HELZ: variants seen among roughly 807,000 people sequenced by gnomAD.
HELZ encodes the protein helicase with zinc finger, also known as ATP-dependent RNA helicase with zinc finger domain.
In HELZ, 23 loss-of-function variants were observed where a neutral mutation model predicts 218.2. That is an observed-to-expected ratio of 0.11 (90% confidence interval 0.08 to 0.15). HELZ has a LOEUF of 0.15. HELZ is among the 10% of genes least tolerant of loss of function. HELZ has a pLI of 1.00. For missense variants in HELZ, 1,813 were observed against 2,353.7 expected, an observed-to-expected ratio of 0.77 and a Z score of 4.75; for synonymous variants, 814 against 829.4, an observed-to-expected ratio of 0.98 and a Z score of 0.32.
At chr17:67,157,965 C>G (rs926597848) in intron 17 of HELZ, among the ~76,000 whole-genome samples, 6 of 152,294 alleles carry the variant, frequency 3.9e-5, no homozygotes, top group Middle Eastern at 6.8e-3. Context: ...ATTTTCCCCT[C>G]TATTCCATTT....
At chr17:67,201,706 G>A (rs138123430) in intron 6 of HELZ, among the ~76,000 whole-genome samples, 52 of 151,974 alleles carry the variant, frequency 3.4e-4, no homozygotes, top group African/African-American at 1.2e-3. Context: ...CTCTTTACTC[G>A]TTTTAAATTT....
At chr17:67,079,914 T>G (rs966244624) in intron 32 of HELZ, among the ~76,000 whole-genome samples, 1 of 152,228 alleles carries the variant, frequency 6.6e-6, no homozygotes, top group South Asian at 2.1e-4. Context: ...TTTTTACATA[T>G]GAAGAATACT....
At chr17:67,210,878 C>G (rs902887129) in intron 5 of HELZ, among the ~76,000 whole-genome samples, 2 of 151,912 alleles carry the variant, frequency 1.3e-5, no homozygotes, top group Non-Finnish European at 1.5e-5. Context: ...GCTGTGATCA[C>G]GCCACTGCAT....
chr17:67,177,931 G>T (rs1054583396), intron 13 of HELZ, among the ~76,000 whole-genome samples: 5 of 151,982 alleles, frequency 3.3e-5, no homozygotes, highest in Non-Finnish European at 7.4e-5. Flanking sequence ...AAAATATGCT[G>T]GTTCAGCTGT....
chr17:67,242,307 G>A (rs924975988), intron 2 of HELZ, among the ~76,000 whole-genome samples: 1 of 151,522 alleles, frequency 6.6e-6, no homozygotes, highest in Non-Finnish European at 1.5e-5. Context: ...CCCTACTCGG[G>A]AAGCTGAGGC....
chr17:67,112,238 G>C (rs2037301821), intron 28 of HELZ, among the ~76,000 whole-genome samples: 1 of 152,278 alleles, frequency 6.6e-6, no homozygotes, highest in African/African-American at 2.4e-5. Flanking sequence ...ATCAGGGTGG[G>C]AGAGAAAACA....
rs2035997908 is a variant in HELZ, at chr17:67,075,664, G to T, written c.*2588C>A. The stretch of plus-strand genomic sequence containing the variant: ...ATGCGTAAAGAGCAGGTTCTTTAAA[G>T]CATGGTTGGAAAGATGGCATTATGT... On this transcript the variant is annotated 3_prime_UTR_variant, in exon 33 of 33. Transcript: ENST00000358691. 1 of 152,148 alleles carries T rather than the reference G, an allele frequency of 6.6e-6. No homozygotes were observed. Among genetic ancestry groups the T allele is most frequent in the Non-Finnish European group, 1.5e-5 (1 of 68,014 alleles). 9.4% of individuals were successfully genotyped at this position (152,148 alleles called of 1,614,324 possible). A position where few individuals can be genotyped will look rare whatever the true frequency, so the allele number is the denominator to read the frequency against.
intron 7 of HELZ, among the ~76,000 whole-genome samples, chr17:67,195,716 G>A (rs1688009937): frequency 6.6e-6 from 1 of 151,934 alleles, no homozygotes; most frequent in Admixed American, 6.6e-5. Context: ...TTAGCTGGCA[G>A]CAGAAGAGAA....
intron 31 of HELZ, among the ~76,000 whole-genome samples, chr17:67,100,831 T>C (rs773891322): frequency 1.2e-4 from 18 of 152,252 alleles, no homozygotes; most frequent in Non-Finnish European, 2.5e-4. Context: ...CCAGGCATGG[T>C]GGCTCACACC....
At chr17:67,217,105 C>T (rs1008298082) in intron 4 of HELZ, among the ~76,000 whole-genome samples, 6 of 152,192 alleles carry the variant, frequency 3.9e-5, no homozygotes, top group African/African-American at 9.7e-5. Flanking sequence ...GCTTACTCAG[C>T]ATCTTCAGCT....
intron 28 of HELZ, 80 bp downstream of exon 28, chr17:67,114,244 T>C: frequency 1.1e-6 from 1 of 947,590 alleles, no homozygotes. Flanking sequence ...AAGGGAGGTA[T>C]TTTTCTTTAA....
intron 13 of HELZ, among the ~76,000 whole-genome samples, chr17:67,171,811 T>A (rs1220977764): frequency 6.6e-6 from 1 of 151,542 alleles, no homozygotes; most frequent in Admixed American, 6.6e-5. Context: ...CCAAATACTT[T>A]TGTCCTCCTT....
At chr17:67,233,744 C>T (rs1003028132) in intron 3 of HELZ, among the ~76,000 whole-genome samples, 7 of 152,110 alleles carry the variant, frequency 4.6e-5, no homozygotes, top group African/African-American at 1.7e-4. Flanking sequence ...GCCATTCTCC[C>T]TCCTGACTTC....
Position 67,071,378 on chromosome 17 carries a change from A to C in HELZ, c.*6874T>G, listed in dbSNP as rs1057484567. The C allele has an allele frequency of 6.6e-6, 1 of 152,302 alleles. No homozygotes were observed. The highest frequency in any genetic ancestry group is 2.4e-5 in the African/African-American group (1 of 41,460). 9.4% of individuals were successfully genotyped at this position (152,302 alleles called of 1,614,324 possible). ...AAGTTATCGTGCAAAGCAAAGTGTA[A>C]ATAAACCGAAGCTCCCCTCTAAGTT... On this transcript the variant is annotated 3_prime_UTR_variant, in exon 33 of 33. Transcript: ENST00000358691.
chr17:67,173,847 G>A lies in HELZ; in HGVS notation c.1430+4812C>T, dbSNP rs561762350. ...CCAACAGAAGCAGCACCCATCTAAC[G>A]ATGAAATGTGCACCCCATACTAGGC... is the stretch of plus-strand genomic sequence containing the variant. On this transcript the variant is annotated intron_variant, in intron 13 of 32. Coordinates refer to ENST00000358691, the MANE Select transcript of HELZ (RefSeq NM_014877.4). Among the ~76,000 whole-genome samples the A allele has an allele frequency of 7.2e-5, 11 of 152,158 alleles. 1 individual carries two copies. The East Asian group carries it at 1.4e-3, about 19-fold the overall frequency.
intron 6 of HELZ, among the ~76,000 whole-genome samples, chr17:67,201,777 T>C (rs537395415): frequency 6.6e-6 from 1 of 152,308 alleles, no homozygotes; most frequent in South Asian, 2.1e-4. Flanking sequence ...TTAATGATAA[T>C]CTTAATAACA....
chr17:67,173,432 G>A (rs1193986603), intron 13 of HELZ, among the ~76,000 whole-genome samples: 2 of 152,066 alleles, frequency 1.3e-5, no homozygotes, highest in South Asian at 2.1e-4. Context: ...ACCTTTTAGG[G>A]AATGACAGAA....
intron 10 of HELZ, among the ~76,000 whole-genome samples, 197 bp from the exon 11 acceptor site, chr17:67,189,893 A>C (rs571889345): frequency 2.0e-5 from 3 of 152,342 alleles, no homozygotes; most frequent in African/African-American, 4.8e-5. Context: ...AAAGAAAATT[A>C]ACCACCACCA....
At chr17:67,124,060 A>G (rs1257443638) in intron 24 of HELZ, 46 bp from the exon 25 acceptor site, 1 of 1,246,368 alleles carries the variant, frequency 8.0e-7, no homozygotes, top group East Asian at 2.3e-5. Flanking sequence ...CATGTTTAGT[A>G]TTAGAAAACA....
Sources: allele counts gnomAD v4.1 joint callset (sites outside exome capture counted in the v4.1 genomes callset), GRCh38; gene constraint gnomAD v4.1.1; transcripts MANE v1.5; gene names NCBI Gene and HGNC (gene_info 2026-07-23, HGNC 2026-07-21).